The following LCLAT1 variants were observed in gnomAD, a reference collection of about 807,000 sequenced individuals.
LCLAT1 encodes the protein lysocardiolipin acyltransferase 1.
A neutral mutation model predicts 30.7 loss-of-function variants in LCLAT1; 11 were observed. That is an observed-to-expected ratio of 0.36 (90% CI 0.23 to 0.59). The LOEUF (loss-of-function observed/expected upper bound fraction) is 0.59. Ranked by LOEUF, LCLAT1 falls within the 20% of genes least tolerant of loss-of-function variation. The pLI is 0.77. For missense variants in LCLAT1, 402 were observed against 458.6 expected, an observed-to-expected ratio of 0.88 and a Z score of 1.13; for synonymous variants, 155 against 151.3, an observed-to-expected ratio of 1.02 and a Z score of -0.18.
At chr2:30,543,749 C>T (rs912153768) in intron 3 of LCLAT1, among the ~76,000 whole-genome samples, 1 of 152,018 alleles carries the variant, frequency 6.6e-6, no homozygotes, top group African/African-American at 2.4e-5. Context: ...TTAATCCCTT[C>T]TTTTATTTCT....
At chr2:30,544,200 C>T (rs796750800) in intron 3 of LCLAT1, among the ~76,000 whole-genome samples, 16 of 152,306 alleles carry the variant, frequency 1.1e-4, no homozygotes, top group African/African-American at 3.1e-4. Flanking sequence ...AGTCTGTCTG[C>T]TTCTGCTCCC....
At chr2:30,486,131 A>T (rs567726705) in intron 1 of LCLAT1, among the ~76,000 whole-genome samples, 2 of 152,320 alleles carry the variant, frequency 1.3e-5, no homozygotes, top group East Asian at 3.9e-4. Context: ...ATACATGATA[A>T]ACTGGAAAGT....
intron 3 of LCLAT1, among the ~76,000 whole-genome samples, chr2:30,558,366 T>G (rs767459242): frequency 1.3e-5 from 2 of 151,958 alleles, no homozygotes; most frequent in Non-Finnish European, 2.9e-5. Flanking sequence ...TTGGGAGGCC[T>G]AAGCAGGTGG....
At chr2:30,562,498 T>TA (rs1665279845) in intron 4 of LCLAT1, among the ~76,000 whole-genome samples, 1 of 151,242 alleles carries the variant, frequency 6.6e-6, no homozygotes. Flanking sequence ...TAGCGAGACT[T>TA]CATCTCAAAA....
chr2:30,449,944 A>T (rs1681465395), intron 1 of LCLAT1, among the ~76,000 whole-genome samples: 1 of 152,168 alleles, frequency 6.6e-6, no homozygotes. Flanking sequence ...TACTTGTGCT[A>T]ATTTTTCCAG....
At chr2:30,498,059 C>A (rs539718694) in intron 1 of LCLAT1, among the ~76,000 whole-genome samples, 3 of 152,162 alleles carry the variant, frequency 2.0e-5, no homozygotes, top group Non-Finnish European at 2.9e-5. Flanking sequence ...ACCCAGAGTT[C>A]TTTGTCTCAC....
chr2:30,604,345 GTCTAGC>G, intron 5 of LCLAT1, among the ~76,000 whole-genome samples: 1 of 152,120 alleles, frequency 6.6e-6, no homozygotes, highest in African/African-American at 2.4e-5. Flanking sequence ...CTGTCTAGCT[GTCTAGC>G]TGTCTTTTAA....
At chr2:30,462,024 G>A (rs891872354) in intron 1 of LCLAT1, among the ~76,000 whole-genome samples, 5 of 151,588 alleles carry the variant, frequency 3.3e-5, no homozygotes, top group African/African-American at 1.2e-4. Context: ...CGCCCGCCTC[G>A]GCCTCCCAAA....
intron 5 of LCLAT1, among the ~76,000 whole-genome samples, chr2:30,613,100 T>G (rs1357910995): frequency 1.3e-5 from 2 of 152,072 alleles, no homozygotes; most frequent in Non-Finnish European, 2.9e-5. Flanking sequence ...ATGTGCCTAG[T>G]GTGTTCAAAG....
At chr2:30,579,986 T>C (rs903786893) in intron 5 of LCLAT1, among the ~76,000 whole-genome samples, 2 of 152,172 alleles carry the variant, frequency 1.3e-5, no homozygotes, top group Non-Finnish European at 2.9e-5. Flanking sequence ...CTGCATGAAT[T>C]ATGTTCAGTT....
rs146257928 is a variant in LCLAT1, at chr2:30,546,828, T to G, written c.364+13514T>G. Among the ~76,000 whole-genome samples, 279 of 152,200 alleles carry G rather than the reference T, an allele frequency of 1.8e-3. 1 individual carries two copies. The highest frequency in any genetic ancestry group is 6.3e-3 in the African/African-American group (261 of 41,538). ...AAAATTAGAACAAAGTCATGAATATTTTTGACTCTATCCAGTTTGGTGGGT... is the reference window on the plus strand; with the variant it reads ...AAAATTAGAACAAAGTCATGAATATGTTTGACTCTATCCAGTTTGGTGGGT... On this transcript the variant is annotated intron_variant, in intron 3 of 5. Transcript: ENST00000379509.
rs1028348448 is a variant in LCLAT1, at chr2:30,600,932, G to A, written c.628+32756G>A. ...CTTTCAGGTGTCTTAGTCAGTCATA[G>A]GGTTGGTCTTTTTATATAATCCCAT... is the stretch of plus-strand genomic sequence containing the variant. On this transcript the variant is annotated intron_variant, in intron 5 of 5. Transcript: ENST00000379509. Among the ~76,000 whole-genome samples the A allele has an allele frequency of 6.6e-5, 10 of 152,290 alleles. No homozygotes were observed. In the East Asian group the frequency reaches 1.7e-3, roughly 26 times the overall value.
At position 30,640,422 on chromosome 2, in the gene LCLAT1, A is replaced by G; in HGVS notation, c.934A>G (p.Ile312Val). ...GGTCCTTGTGGTCAAATTGCTCTCT[A>G]TACTGTATTGGACCCTGTTCAGCCC... ...LRVLVVKLLS[I>V]LYWTLFSPAM... The change falls in exon 6 of 6, where the codon ATA becomes GTA. Residue 312 changes from isoleucine (I) to valine (V), a missense_variant. Coordinates refer to ENST00000379509, the MANE Select transcript of LCLAT1 (RefSeq NM_001002257.3). The G allele has an allele frequency of 1.2e-6, 2 of 1,614,148 alleles. No homozygotes were observed. Among genetic ancestry groups the G allele is most frequent in the Non-Finnish European group, 1.7e-6 (2 of 1,180,016 alleles).
At chr2:30,631,033 C>CT (rs1668743507) in intron 5 of LCLAT1, among the ~76,000 whole-genome samples, 1 of 152,182 alleles carries the variant, frequency 6.6e-6, no homozygotes, top group South Asian at 2.1e-4. Context: ...AGTTAGCATA[C>CT]TTTAACTACT....
intron 1 of LCLAT1, among the ~76,000 whole-genome samples, chr2:30,525,223 C>T (rs1281119224): frequency 2.0e-5 from 3 of 152,042 alleles, no homozygotes; most frequent in Non-Finnish European, 4.4e-5. Context: ...GGATTACAGG[C>T]ACACTACCGC....
intron 4 of LCLAT1, among the ~76,000 whole-genome samples, chr2:30,564,173 T>G (rs563582340): frequency 2.0e-5 from 3 of 152,252 alleles, no homozygotes; most frequent in South Asian, 4.1e-4. Flanking sequence ...TTTATAATAT[T>G]TAGAATGTAT....
At chr2:30,448,416 C>T (rs746987267) in intron 1 of LCLAT1, among the ~76,000 whole-genome samples, 6 of 152,136 alleles carry the variant, frequency 3.9e-5, no homozygotes, top group Non-Finnish European at 8.8e-5. Context: ...TTCTGTTGCA[C>T]ATTGTACTTT....
At chr2:30,576,542 A>G (rs1666000351) in intron 5 of LCLAT1, among the ~76,000 whole-genome samples, 1 of 152,138 alleles carries the variant, frequency 6.6e-6, no homozygotes, top group Non-Finnish European at 1.5e-5. Flanking sequence ...TCATATGAAA[A>G]TCAAAATTCT....
intron 1 of LCLAT1, among the ~76,000 whole-genome samples, chr2:30,453,356 C>G (rs1681661560): frequency 6.6e-6 from 1 of 152,178 alleles, no homozygotes; most frequent in South Asian, 2.1e-4. Context: ...TAACTCTTGA[C>G]AGGGACTCTT....
Sources: gnomAD v4.1 joint callset for allele counts (sites outside exome capture counted in the v4.1 genomes callset) on GRCh38, gnomAD v4.1.1 for gene constraint, MANE v1.5 for transcripts, NCBI Gene and HGNC (gene_info 2026-07-23, HGNC 2026-07-21) for gene names.